KMT2C: variants seen among roughly 807,000 people sequenced by gnomAD.
The protein encoded by KMT2C is lysine methyltransferase 2C, also known as histone-lysine N-methyltransferase 2C.
In KMT2C, 88 loss-of-function variants were observed where a neutral mutation model predicts 507.9. That is an observed-to-expected ratio of 0.17 (90% CI 0.15 to 0.21). The LOEUF is 0.21. Ranked by LOEUF, KMT2C falls within the 10% of genes least tolerant of loss-of-function variation. The probability of loss-of-function intolerance (pLI) is 1.00; values close to 1 mark genes in which losing one functional copy is unlikely to be tolerated. For missense variants in KMT2C, 4,954 were observed against 5,957.8 expected (o/e 0.83, Z 5.55); for synonymous variants, 2,049 against 2,080.8 (o/e 0.98, Z 0.42).
At chr7:152,170,551 G>A (rs1003050263) in intron 40 of KMT2C, among the ~76,000 whole-genome samples, 3 of 152,208 alleles carry the variant, frequency 2.0e-5, no homozygotes, top group Non-Finnish European at 4.4e-5. Context: ...CACCCAAGCT[G>A]GAGTGCAGTG....
rs1454349446 is a variant in KMT2C at position 152,145,313 on chromosome 7, A to C, written c.14032-18T>G. On this transcript the variant is annotated intron_variant, in intron 53 of 58. Transcript: ENST00000262189. ...CCAGGAAGCTGAAAAGAAGCAAAGC[A>C]GACACAAAGTCACCCCATCTGATGG... 2 of 1,612,312 alleles carry C rather than the reference A, an allele frequency of 1.2e-6. No individual in the cohort carries two copies. The highest frequency in any genetic ancestry group is 1.3e-5 in the African/African-American group (1 of 74,874).
intron 22 of KMT2C, among the ~76,000 whole-genome samples, chr7:152,221,707 T>C (rs2094777622): frequency 6.6e-6 from 1 of 152,252 alleles, no homozygotes; most frequent in South Asian, 2.1e-4. Flanking sequence ...GGCCGTGTTT[T>C]CTGCTAACTG....
intron 1 of KMT2C, among the ~76,000 whole-genome samples, chr7:152,391,543 CTTTTT>C (rs71198782): frequency 5.1e-5 from 5 of 97,220 alleles, no homozygotes; most frequent in African/African-American, 1.6e-4. Flanking sequence ...CATGCCCGGC[CTTTTT>C]TTTTTTTTTT....
chr7:152,390,627 G>A (rs1416175462), intron 1 of KMT2C, among the ~76,000 whole-genome samples: 3 of 151,884 alleles, frequency 2.0e-5, no homozygotes, highest in South Asian at 4.1e-4. Context: ...CCTATTTTTC[G>A]GATAAGGACA....
intron 1 of KMT2C, 28 bp downstream of exon 1, chr7:152,435,598 C>CGG: frequency 7.1e-7 from 1 of 1,402,824 alleles, no homozygotes. Flanking sequence ...CGCTGGCTCC[C>CGG]GGCCTGGCTC....
intron 1 of KMT2C, among the ~76,000 whole-genome samples, chr7:152,391,543 CTTTTTTTTTTTT>C (rs71198782): frequency 1.0e-5 from 1 of 97,226 alleles, no homozygotes; most frequent in Non-Finnish European, 2.1e-5. Flanking sequence ...CATGCCCGGC[CTTTTTTTTTTTT>C]TTTTTTTTTG....
In KMT2C at chr7:152,176,568, C is replaced by G. The variant is rs1587944348; in HGVS notation, c.8885G>C (p.Gly2962Ala). ...ATTCATGGCATTATCCAAAACACGG[C>G]CAGGCGGTGCTATGAAAGGAGGCAA... The part of the protein sequence containing the change: ...SSLPPFIAPP[G>A]RVLDNAMNSN... Residue 2962 changes from glycine to alanine, a missense_variant, in exon 38 of 59, where the codon GGC (glycine) becomes GCC (alanine). By Grantham distance (60) the Gly-to-Ala change is moderately conservative (BLOSUM62 0). Transcript: ENST00000262189. The G allele has an allele frequency of 6.2e-7, 1 of 1,614,110 alleles. No individual in the cohort carries two copies. Among genetic ancestry groups the G allele is most frequent in the Non-Finnish European group, 8.5e-7 (1 of 1,180,014 alleles).
intron 37 of KMT2C, among the ~76,000 whole-genome samples, chr7:152,178,707 A>T (rs2129116741): frequency 6.6e-6 from 1 of 152,370 alleles, no homozygotes; most frequent in Middle Eastern, 3.4e-3. Context: ...CACAAAATAT[A>T]AAATGCAGAA....
chr7:152,433,940 G>A (rs115358874), intron 1 of KMT2C, among the ~76,000 whole-genome samples: 50 of 152,354 alleles, frequency 3.3e-4, no homozygotes, highest in African/African-American at 1.2e-3. Flanking sequence ...TAATCTTTCT[G>A]GAGTAAGAAT....
intron 46 of KMT2C, among the ~76,000 whole-genome samples, chr7:152,155,698 C>T (rs936714301): frequency 6.6e-6 from 1 of 152,036 alleles, no homozygotes; most frequent in Non-Finnish European, 1.5e-5. Flanking sequence ...TTATTTAACT[C>T]TCTATATGAT....
In KMT2C at chr7:152,178,045, A is replaced by G; in HGVS notation, c.7443-35T>C. Reference sequence around the variant, plus strand: ...AAAAAAAAAAAAAAAAAAAAAAAGCAAATAGGTATTATGTTAAATTTAGAG... The same window carrying G: ...AAAAAAAAAAAAAAAAAAAAAAAGCGAATAGGTATTATGTTAAATTTAGAG... On this transcript the variant is annotated intron_variant, in intron 37 of 58. Coordinates refer to ENST00000262189, the MANE Select transcript of KMT2C (RefSeq NM_170606.3). 4 of 1,343,210 alleles carry G rather than the reference A, an allele frequency of 3.0e-6. No individual in the cohort carries two copies. In the Admixed American group the frequency reaches 1.1e-4, roughly 38 times the overall value. 83.2% of individuals were successfully genotyped at this position (1,343,210 alleles called of 1,614,324 possible). A position where few individuals can be genotyped will look rare whatever the true frequency, so the allele number is the denominator to read the frequency against.
intron 6 of KMT2C, among the ~76,000 whole-genome samples, chr7:152,288,361 CT>C (rs2096345471): frequency 6.6e-6 from 1 of 151,806 alleles, no homozygotes; most frequent in Admixed American, 6.6e-5. Context: ...TGGCAAAACC[CT>C]GTCTCTACTA....
At chr7:152,363,621 G>A (rs1266558391) in intron 1 of KMT2C, among the ~76,000 whole-genome samples, 7 of 152,104 alleles carry the variant, frequency 4.6e-5, no homozygotes, top group Admixed American at 4.6e-4. Context: ...TTTCTGCTTG[G>A]CATTAATTTA....
chr7:152,388,902 C>T (rs956528636), intron 1 of KMT2C, among the ~76,000 whole-genome samples: 9 of 152,264 alleles, frequency 5.9e-5, no homozygotes, highest in Non-Finnish European at 1.3e-4. Context: ...GCATGCACCA[C>T]CATGCACAGC....
In KMT2C at chr7:152,248,478, G is replaced by A. The variant is rs2095511999; in HGVS notation, c.1956C>T (p.Asn652=). 1 of 1,613,892 alleles carries A rather than the reference G, an allele frequency of 6.2e-7. No homozygotes were observed. The highest frequency in any genetic ancestry group is 8.5e-7 in the Non-Finnish European group (1 of 1,179,980). ...QIEDKMEVTE[N]IEVVTHQITV... ...TGATCTGGTGTGTAACGACTTCAATGTTTTCTGTCACTTCCATTTTATCTT... is the reference window on the plus strand; with the variant it reads ...TGATCTGGTGTGTAACGACTTCAATATTTTCTGTCACTTCCATTTTATCTT... Residue 652 remains asparagine (N), a synonymous_variant, in exon 14 of 59, where the codon AAC becomes AAT. Transcript: ENST00000262189.
intron 6 of KMT2C, among the ~76,000 whole-genome samples, chr7:152,284,908 A>C (rs1171275033): frequency 2.0e-5 from 3 of 152,260 alleles, no homozygotes; most frequent in Non-Finnish European, 4.4e-5. Flanking sequence ...AACAGTGGCA[A>C]TATCCAGTGC....
intron 3 of KMT2C, among the ~76,000 whole-genome samples, chr7:152,321,314 C>T (rs754072350): frequency 6.6e-5 from 10 of 151,436 alleles, no homozygotes; most frequent in Non-Finnish European, 1.5e-4. Flanking sequence ...AAATGGAAAT[C>T]CCAATATGTG....
At chr7:152,278,350 G>A (rs111684084) in intron 6 of KMT2C, among the ~76,000 whole-genome samples, 36 of 151,578 alleles carry the variant, frequency 2.4e-4, no homozygotes, top group Non-Finnish European at 4.6e-4. Context: ...GCCTGATCTC[G>A]GCTCACTGCA....
At chr7:152,207,449 A>G in intron 23 of KMT2C, 21 bp from the exon 24 acceptor site, 1 of 1,560,274 alleles carries the variant, frequency 6.4e-7, no homozygotes. Context: ...GTAAATGTAT[A>G]CACAAAACTG....
Sources: gnomAD v4.1 joint callset for allele counts (sites outside exome capture counted in the v4.1 genomes callset) on GRCh38, gnomAD v4.1.1 for gene constraint, MANE v1.5 for transcripts, NCBI Gene and HGNC (gene_info 2026-07-23, HGNC 2026-07-21) for gene names.